The following TAFA4 variants were observed in gnomAD, a reference collection of about 807,000 sequenced individuals.
The protein encoded by TAFA4 is TAFA chemokine like family member 4.
TAFA4 carries 20 observed loss-of-function variants against 21.1 expected under a neutral mutation model. That is an observed-to-expected ratio of 0.95 (90% CI 0.67 to 1.38). TAFA4 has a LOEUF of 1.38. TAFA4 is among the 40% of genes most tolerant of loss of function. TAFA4 has a pLI of 0.00. For missense variants in TAFA4, 211 were observed against 180.9 expected (o/e 1.17, Z -0.95); for synonymous variants, 71 against 67.4 (o/e 1.05, Z -0.26).
intron 3 of TAFA4, among the ~76,000 whole-genome samples, chr3:68,843,733 T>C (rs1415296998): frequency 1.3e-5 from 2 of 152,262 alleles, no homozygotes; most frequent in African/African-American, 2.4e-5. Flanking sequence ...CGAAGTGCTG[T>C]TGAATTTTAT....
chr3:68,861,030 A>ACCCCCCC (rs113804738), intron 3 of TAFA4, among the ~76,000 whole-genome samples: 28 of 111,010 alleles, frequency 2.5e-4, no homozygotes, highest in African/African-American at 5.8e-4. Flanking sequence ...TTAAATATGC[A>ACCCCCCC]CCCCCCCCCC....
intron 3 of TAFA4, among the ~76,000 whole-genome samples, chr3:68,836,413 G>C (rs1575633016): frequency 6.6e-6 from 1 of 152,342 alleles, no homozygotes; most frequent in South Asian, 2.1e-4. Context: ...AAACAGTTAA[G>C]TGAACTGCTG....
chr3:68,907,261 A>G (rs907540538), intron 1 of TAFA4, among the ~76,000 whole-genome samples: 3 of 152,178 alleles, frequency 2.0e-5, no homozygotes, highest in Non-Finnish European at 4.4e-5. Flanking sequence ...TTGTCCAAAG[A>G]GAAGGTGGAG....
chr3:68,832,150 T>C (rs1195779002), intron 3 of TAFA4, among the ~76,000 whole-genome samples: 1 of 151,990 alleles, frequency 6.6e-6, no homozygotes, highest in African/African-American at 2.4e-5. Flanking sequence ...GGAGAGCTTG[T>C]TATTACCCAC....
intron 3 of TAFA4, among the ~76,000 whole-genome samples, chr3:68,848,088 A>G (rs1704851126): frequency 6.6e-6 from 1 of 152,196 alleles, no homozygotes. Flanking sequence ...GGTAGATGCT[A>G]TTATTATCTT....
intron 1 of TAFA4, among the ~76,000 whole-genome samples, chr3:68,898,534 T>A (rs896928229): frequency 6.6e-6 from 1 of 152,134 alleles, no homozygotes; most frequent in Admixed American, 6.5e-5. Context: ...TACTCCCAGC[T>A]ACTAGGGAAG....
intron 3 of TAFA4, among the ~76,000 whole-genome samples, chr3:68,834,314 C>A (rs1003139759): frequency 2.6e-5 from 4 of 152,154 alleles, no homozygotes; most frequent in Admixed American, 1.3e-4. Flanking sequence ...CCCACATACC[C>A]AAAGCCATGG....
rs201517557 is a variant in TAFA4, at chr3:68,881,937, G to GC, written c.15-1093dup. 6.9e-3 allele frequency among the ~76,000 whole-genome samples: 1,053 copies of GC among 152,288 alleles called. 7 individuals carry two copies. The highest frequency in any genetic ancestry group is 0.024 in the African/African-American group (1,010 of 41,538). On this transcript the variant is annotated intron_variant, in intron 2 of 5. Coordinates refer to ENST00000295569, the MANE Select transcript of TAFA4 (RefSeq NM_182522.5). The stretch of plus-strand genomic sequence containing the variant: ...CATCAAAGCCTCAGGGGAATTGAAT[G>GC]CCACACCATACGCCGAGGCACACAC...
intron 3 of TAFA4, among the ~76,000 whole-genome samples, chr3:68,866,661 A>AC (rs1208462439): frequency 6.8e-6 from 1 of 147,672 alleles, no homozygotes; most frequent in Non-Finnish European, 1.5e-5. Flanking sequence ...TAAAAAAAAA[A>AC]AAAAAAAAAA....
chr3:68,759,525 C>G lies in TAFA4; in HGVS notation c.131-6507G>C, dbSNP rs113450681. 3.7e-3 allele frequency among the ~76,000 whole-genome samples: 567 copies of G among 152,208 alleles called. 3 individuals are homozygous for G. The highest frequency in any genetic ancestry group is 0.013 in the African/African-American group (535 of 41,518). On this transcript the variant is annotated intron_variant, in intron 3 of 5. Coordinates refer to ENST00000295569, the MANE Select transcript of TAFA4 (RefSeq NM_182522.5). ...CAGGGGGGATGCCTTGTTCAATAAG[C>G]CTGGTACCAGAGAGTGGCCACTTCA...
chr3:68,925,439 G>A (rs1311050021), intron 1 of TAFA4, among the ~76,000 whole-genome samples: 2 of 152,120 alleles, frequency 1.3e-5, no homozygotes, highest in Non-Finnish European at 2.9e-5. Context: ...ATACAGAGAA[G>A]AATTCACCCC....
intron 3 of TAFA4, among the ~76,000 whole-genome samples, chr3:68,798,439 T>A (rs2106823480): frequency 6.6e-6 from 1 of 152,292 alleles, no homozygotes; most frequent in Admixed American, 6.5e-5. Context: ...AAAATTAAAA[T>A]AACCAGAAGT....
intron 3 of TAFA4, among the ~76,000 whole-genome samples, chr3:68,824,383 T>C (rs1352940877): frequency 6.6e-6 from 1 of 152,178 alleles, no homozygotes; most frequent in Non-Finnish European, 1.5e-5. Context: ...AGGCTGCCCA[T>C]GTTGCTTGGC....
chr3:68,790,537 A>T (rs1009751870), intron 3 of TAFA4, among the ~76,000 whole-genome samples: 1 of 152,184 alleles, frequency 6.6e-6, no homozygotes, highest in African/African-American at 2.4e-5. Context: ...ATAAATGGGG[A>T]AAAAGGACCA....
rs181465379 is a variant in TAFA4, at chr3:68,738,552, C to G, written c.411+523G>C. On this transcript the variant is annotated intron_variant, in intron 5 of 5. Coordinates refer to ENST00000295569, the MANE Select transcript of TAFA4 (RefSeq NM_182522.5). ...AGTAAAAATCCTAAGGACAATGTAACCAACTGAACATAGGAAGAAGGTAGG... is the reference window on the plus strand; with the variant it reads ...AGTAAAAATCCTAAGGACAATGTAAGCAACTGAACATAGGAAGAAGGTAGG... Among the ~76,000 whole-genome samples, 169 of 152,230 alleles carry G rather than the reference C, an allele frequency of 1.1e-3. 2 individuals are homozygous for G. The highest frequency in any genetic ancestry group is 4.4e-3 in the Admixed American group (68 of 15,292).
intron 4 of TAFA4, among the ~76,000 whole-genome samples, chr3:68,741,845 GAA>G (rs1559755363): frequency 2.3e-3 from 352 of 151,998 alleles, no homozygotes; most frequent in African/African-American, 8.3e-3. Context: ...CCAAAGAATC[GAA>G]GAAGAGAGAA....
At chr3:68,866,099 C>T (rs974559075) in intron 3 of TAFA4, among the ~76,000 whole-genome samples, 1 of 152,068 alleles carries the variant, frequency 6.6e-6, no homozygotes, top group African/African-American at 2.4e-5. Context: ...CCTGAGGGTG[C>T]TAGAAACAAA....
Position 68,732,928 on chromosome 3 carries a change from G to T in TAFA4, c.*214C>A, listed in dbSNP as rs537297443. On this transcript the variant is annotated 3_prime_UTR_variant, in exon 6 of 6. Transcript: ENST00000295569. ...GGAATCCAGAGAGGATGTCAAATGG[G>T]TGGTGGCTTGTGGTTATAATTCAAT... 3.1e-5 allele frequency: 17 copies of T among 557,108 alleles called. No individual in the cohort carries two copies. Among genetic ancestry groups the T allele is most frequent in the African/African-American group, 2.3e-4 (12 of 53,250 alleles). The allele number at this position is 557,108 out of a possible 1,614,324, so 34.5% of individuals were successfully genotyped here. A position where few individuals can be genotyped will look rare whatever the true frequency, so the allele number is the denominator to read the frequency against.
At chr3:68,878,155 A>G (rs183903166) in intron 3 of TAFA4, among the ~76,000 whole-genome samples, 7 of 152,320 alleles carry the variant, frequency 4.6e-5, no homozygotes, top group Non-Finnish European at 1.0e-4. Flanking sequence ...ATAGTCACCA[A>G]GCACCACAGC....
Sources: allele counts gnomAD v4.1 joint callset (sites outside exome capture counted in the v4.1 genomes callset), GRCh38; gene constraint gnomAD v4.1.1; transcripts MANE v1.5; gene names NCBI Gene and HGNC (gene_info 2026-07-23, HGNC 2026-07-21).